The following PTPRD variants were observed in gnomAD, a reference collection of about 807,000 sequenced individuals.
PTPRD encodes the protein receptor-type tyrosine-protein phosphatase delta.
In PTPRD, 34 loss-of-function variants were observed where a neutral mutation model predicts 214.5. The ratio of observed to expected loss-of-function variants is 0.16; its 90% CI spans 0.12 to 0.21. PTPRD has a LOEUF of 0.21. Ranked by LOEUF, PTPRD falls within the 10% of genes least tolerant of loss-of-function variation. PTPRD has a pLI of 1.00. For synonymous variants in PTPRD, 1,128 were observed against 845.7 expected (o/e 1.33, Z -5.79); for missense variants, 2,545 against 2,398.7 (o/e 1.06, Z -1.27).
At chr9:8,884,560 G>A (rs2098471440) in intron 11 of PTPRD, among the ~76,000 whole-genome samples, 1 of 152,192 alleles carries the variant, frequency 6.6e-6, no homozygotes, top group Non-Finnish European at 1.5e-5. Context: ...GAACCAAAAG[G>A]CACTATGGAG....
chr9:9,752,471 G>A (rs1256957943), intron 6 of PTPRD, among the ~76,000 whole-genome samples: 2 of 151,976 alleles, frequency 1.3e-5, no homozygotes, highest in Admixed American at 1.3e-4. Flanking sequence ...GCTGACACTG[G>A]AATCCTTGTG....
At chr9:8,348,078 A>G (rs1055151659) in intron 39 of PTPRD, among the ~76,000 whole-genome samples, 5 of 152,206 alleles carry the variant, frequency 3.3e-5, no homozygotes, top group Admixed American at 6.5e-5. Flanking sequence ...AACATAGCAC[A>G]TTTGAATAAC....
intron 10 of PTPRD, among the ~76,000 whole-genome samples, chr9:9,131,433 T>A (rs1471335506): frequency 6.6e-6 from 1 of 152,212 alleles, no homozygotes. Context: ...ATATTGTTTA[T>A]AAATAGCGGA....
chr9:9,003,272 T>G (rs996591676), intron 11 of PTPRD, among the ~76,000 whole-genome samples: 2 of 152,010 alleles, frequency 1.3e-5, no homozygotes, highest in Admixed American at 6.6e-5. Context: ...TTTCCTCTAT[T>G]GTTCTATGAG....
chr9:9,997,365 A>T (rs2096160465), intron 4 of PTPRD, among the ~76,000 whole-genome samples: 1 of 150,798 alleles, frequency 6.6e-6, no homozygotes, highest in South Asian at 2.1e-4. Context: ...AGCTCACCGC[A>T]ACCTCTGCCT....
intron 10 of PTPRD, among the ~76,000 whole-genome samples, chr9:9,153,311 A>G (rs2099878433): frequency 6.6e-6 from 1 of 152,218 alleles, no homozygotes; most frequent in South Asian, 2.1e-4. Context: ...AGGTAGTTAT[A>G]GTTAGCCAAG....
At chr9:10,178,797 A>T (rs2099264571) in intron 3 of PTPRD, among the ~76,000 whole-genome samples, 1 of 151,970 alleles carries the variant, frequency 6.6e-6, no homozygotes, top group African/African-American at 2.4e-5. Flanking sequence ...AGATGTGAGG[A>T]GTACCCCCAA....
rs569638636 is a variant in PTPRD, at chr9:10,550,808, G to C, written c.-600+61590C>G. Among the ~76,000 whole-genome samples, 3 of 152,276 alleles carry C rather than the reference G, an allele frequency of 2.0e-5. No homozygotes were observed. In the East Asian group the frequency reaches 5.8e-4, roughly 29 times the overall value. On this transcript the variant is annotated intron_variant, in intron 2 of 45. Coordinates refer to ENST00000381196, the MANE Select transcript of PTPRD (RefSeq NM_002839.4). ...CTGAAATTGGTTGGGCAAAAGAAAG[G>C]TGCCACCAGTGGCCAGATATAAGCT...
At chr9:10,227,535 T>C (rs1263618502) in intron 3 of PTPRD, among the ~76,000 whole-genome samples, 1 of 151,990 alleles carries the variant, frequency 6.6e-6, no homozygotes, top group Non-Finnish European at 1.5e-5. Flanking sequence ...TTCCCTTAAC[T>C]GCATTGCCCG....
At chr9:10,269,926 T>C (rs1301156199) in intron 3 of PTPRD, among the ~76,000 whole-genome samples, 4 of 152,160 alleles carry the variant, frequency 2.6e-5, no homozygotes, top group Non-Finnish European at 5.9e-5. Flanking sequence ...AACCCAAGTA[T>C]GTATAATATG....
intron 10 of PTPRD, among the ~76,000 whole-genome samples, chr9:9,060,749 G>A (rs1032034490): frequency 2.0e-5 from 3 of 152,098 alleles, no homozygotes; most frequent in Non-Finnish European, 4.4e-5. Context: ...GGCATTCACC[G>A]AGTGTCGTAA....
chr9:9,421,998 A>C lies in PTPRD; in HGVS notation c.-236-24516T>G, dbSNP rs546174683. Among the ~76,000 whole-genome samples, 69 of 152,216 alleles carry C rather than the reference A, an allele frequency of 4.5e-4. 1 individual carries two copies. The highest frequency in any genetic ancestry group is 1.3e-3 in the African/African-American group (55 of 41,538). Reference sequence around the variant, plus strand: ...AGTGACACCAGTATTGAAAAAAAAAACAAAAAAACAGTAAAGAATGTGAAG... The same window carrying C: ...AGTGACACCAGTATTGAAAAAAAAACCAAAAAAACAGTAAAGAATGTGAAG... On this transcript the variant is annotated intron_variant, in intron 8 of 45. Transcript: ENST00000381196.
At chr9:8,822,029 T>C (rs144008079) in intron 11 of PTPRD, among the ~76,000 whole-genome samples, 1 of 152,342 alleles carries the variant, frequency 6.6e-6, no homozygotes, top group East Asian at 1.9e-4. Context: ...TTACAGGATT[T>C]GTTGCCACCA....
intron 9 of PTPRD, among the ~76,000 whole-genome samples, chr9:9,185,025 C>T (rs1032356480): frequency 6.6e-6 from 1 of 152,004 alleles, no homozygotes; most frequent in African/African-American, 2.4e-5. Context: ...TTATAGGCCT[C>T]TATTTGTGGG....
chr9:10,560,668 A>T (rs1016208272), intron 2 of PTPRD, among the ~76,000 whole-genome samples: 6 of 152,330 alleles, frequency 3.9e-5, no homozygotes, highest in Middle Eastern at 3.4e-3. Flanking sequence ...ACTCAAAGAA[A>T]TATCATACAT....
chr9:9,171,608 T>G (rs948356141), intron 10 of PTPRD, among the ~76,000 whole-genome samples: 1 of 151,822 alleles, frequency 6.6e-6, no homozygotes, highest in Admixed American at 6.6e-5. Flanking sequence ...AGGTCAAATA[T>G]GTTGATAGGA....
In PTPRD at chr9:8,861,990, G is replaced by T. The variant is rs917276640; in HGVS notation, c.-103-128044C>A. The T allele has an allele frequency of 4.6e-5, 7 of 152,096 alleles. No individual in the cohort carries two copies. In the East Asian group the frequency reaches 1.3e-3, roughly 29 times the overall value. The allele number at this position is 152,096 out of a possible 1,614,324, so 9.4% of individuals were successfully genotyped here. A position where few individuals can be genotyped will look rare whatever the true frequency, so the allele number is the denominator to read the frequency against. On this transcript the variant is annotated intron_variant, in intron 11 of 45. Transcript: ENST00000381196. ...CGTGTGTTTCTATTTTTATTTCAGA[G>T]AGTATTTTTCAAATTTAAGTTATAC...
chr9:9,837,050 G>A (rs2056964360), intron 5 of PTPRD, among the ~76,000 whole-genome samples: 1 of 148,658 alleles, frequency 6.7e-6, no homozygotes, highest in Non-Finnish European at 1.5e-5. Context: ...CAGAAATGAG[G>A]TCTATAGTAG....
chr9:8,845,657 T>C (rs1169642918), intron 11 of PTPRD, among the ~76,000 whole-genome samples: 1 of 152,230 alleles, frequency 6.6e-6, no homozygotes, highest in Non-Finnish European at 1.5e-5. Context: ...AGTGTCTAAG[T>C]AACACTGGGT....
Sources: gnomAD v4.1 joint callset for allele counts (sites outside exome capture counted in the v4.1 genomes callset) on GRCh38, gnomAD v4.1.1 for gene constraint, MANE v1.5 for transcripts, NCBI Gene and HGNC (gene_info 2026-07-23, HGNC 2026-07-21) for gene names.